The following KAT2B variants were observed in gnomAD, a reference collection of about 807,000 sequenced individuals.
KAT2B encodes lysine acetyltransferase 2B.
In KAT2B, 36 loss-of-function variants were observed where a neutral mutation model predicts 105.9. The observed-to-expected ratio is 0.34, with a 90% CI of 0.26 to 0.45. The LOEUF (loss-of-function observed/expected upper bound fraction) is 0.45. KAT2B is among the 20% of genes least tolerant of loss of function. The pLI is 1.00. For missense variants in KAT2B, 820 were observed against 1,021.6 expected (o/e 0.80, Z 2.69); for synonymous variants, 397 against 377.9 (o/e 1.05, Z -0.59).
rs1373546318 is a variant in KAT2B at position 20,154,230 on chromosome 3, TTA to T, written c.*1707_*1708del. ...TGTCTCTTCTATATTGAAAGCATTT[TTA>T]TGTTTTCTAATTTAAAAATTAATAT... On this transcript the variant is annotated 3_prime_UTR_variant, in exon 18 of 18. Coordinates refer to ENST00000263754, the MANE Select transcript of KAT2B (RefSeq NM_003884.5). 3.3e-5 allele frequency: 5 copies of T among 152,640 alleles called. No individual in the cohort carries two copies. The highest frequency in any genetic ancestry group is 7.4e-5 in the Non-Finnish European group (5 of 68,026). The allele number at this position is 152,640 out of a possible 1,614,324, so 9.5% of individuals were successfully genotyped here.
At chr3:20,118,463 T>A (rs1253118367) in intron 7 of KAT2B, among the ~76,000 whole-genome samples, 1 of 149,622 alleles carries the variant, frequency 6.7e-6, no homozygotes, top group African/African-American at 2.4e-5. Flanking sequence ...ACACCTGTAA[T>A]CCCAGCACTA....
At chr3:20,048,422 G>C (rs935815804) in intron 1 of KAT2B, among the ~76,000 whole-genome samples, 1 of 152,156 alleles carries the variant, frequency 6.6e-6, no homozygotes, top group African/African-American at 2.4e-5. Flanking sequence ...CGCTGTTTAA[G>C]GTTTTTGTTT....
chr3:20,119,525 T>C (rs1007537955), intron 7 of KAT2B, 73 bp from the exon 8 acceptor site: 17 of 1,549,084 alleles, frequency 1.1e-5, no homozygotes, highest in Middle Eastern at 1.7e-4. Context: ...GGTGGTCCCA[T>C]GTGCACTTCG....
intron 6 of KAT2B, 38 bp from the exon 7 acceptor site, chr3:20,114,844 T>A (rs750873507): frequency 1.8e-5 from 21 of 1,150,822 alleles, no homozygotes; most frequent in Non-Finnish European, 2.4e-5. Context: ...CTTACAGTAG[T>A]TTTTTTTTAA....
At chr3:20,067,890 G>A (rs559649347) in intron 1 of KAT2B, among the ~76,000 whole-genome samples, 2 of 152,134 alleles carry the variant, frequency 1.3e-5, no homozygotes, top group East Asian at 3.9e-4. Flanking sequence ...GGCCAGGCTG[G>A]TCTCGAACTC....
At chr3:20,073,720 AT>A (rs1345238988) in intron 2 of KAT2B, among the ~76,000 whole-genome samples, 1 of 128,714 alleles carries the variant, frequency 7.8e-6, no homozygotes, top group Non-Finnish European at 1.7e-5. Context: ...TTTTAAAAAA[AT>A]AAATAAATAA....
intron 12 of KAT2B, 143 bp downstream of exon 12, chr3:20,137,195 A>T (rs1699617289): frequency 3.4e-6 from 2 of 593,994 alleles, no homozygotes; most frequent in Non-Finnish European, 6.1e-6. Flanking sequence ...TGTCAAAAAT[A>T]AGCTTCAGCC....
At chr3:20,107,974 A>G (rs1699053364) in intron 5 of KAT2B, among the ~76,000 whole-genome samples, 1 of 151,476 alleles carries the variant, frequency 6.6e-6, no homozygotes, top group Non-Finnish European at 1.5e-5. Flanking sequence ...ATGCCTGGCT[A>G]ATGTTTATAT....
chr3:20,062,922 A>G (rs1004714770), intron 1 of KAT2B, among the ~76,000 whole-genome samples: 2 of 152,048 alleles, frequency 1.3e-5, no homozygotes, highest in African/African-American at 4.8e-5. Flanking sequence ...TATTTTGGAT[A>G]TTAACCTGTT....
At chr3:20,114,413 T>A (rs1372357640) in intron 6 of KAT2B, among the ~76,000 whole-genome samples, 1 of 152,222 alleles carries the variant, frequency 6.6e-6, no homozygotes, top group Non-Finnish European at 1.5e-5. Context: ...TAGTAAGAGC[T>A]ATATATGTGC....
chr3:20,069,225 C>G (rs141601956), intron 1 of KAT2B, among the ~76,000 whole-genome samples: 124 of 152,214 alleles, frequency 8.1e-4, no homozygotes, highest in Non-Finnish European at 1.6e-3. Context: ...TCAGCAAAGA[C>G]TAGTAAATTT....
intron 1 of KAT2B, among the ~76,000 whole-genome samples, chr3:20,050,870 T>G (rs1697903490): frequency 6.6e-6 from 1 of 151,960 alleles, no homozygotes; most frequent in African/African-American, 2.4e-5. Flanking sequence ...GATAGTCATA[T>G]TTGGAAGAAC....
At chr3:20,047,689 T>C (rs1697839075) in intron 1 of KAT2B, among the ~76,000 whole-genome samples, 1 of 149,744 alleles carries the variant, frequency 6.7e-6, no homozygotes. Context: ...CTCAGTTTAC[T>C]GCAGCCTCCA....
chr3:20,053,994 C>T lies in KAT2B; in HGVS notation c.303+13214C>T, dbSNP rs113718909. ...TGTATTTTTAGTAGAGATGGGGTCT[C>T]GCCATGTTGGCAAGGCTGGTCTCAA... On this transcript the variant is annotated intron_variant, in intron 1 of 17. Transcript: ENST00000263754. 1.9e-3 allele frequency among the ~76,000 whole-genome samples: 296 copies of T among 152,274 alleles called. 2 individuals carry two copies. The South Asian group carries it at 0.023, about 12-fold the overall frequency.
rs1395149152 is a variant in KAT2B, at chr3:20,081,592, G to A, written c.430+9133G>A. ...CAAAGTGGACACTGGGGGAACTGTG[G>A]CCCACCAAAAGGAATAAACTTTGCC... On this transcript the variant is annotated intron_variant, in intron 2 of 17. Coordinates refer to ENST00000263754, the MANE Select transcript of KAT2B (RefSeq NM_003884.5). Among the ~76,000 whole-genome samples the A allele has an allele frequency of 2.0e-5, 3 of 151,998 alleles. No homozygotes were observed. The East Asian group carries it at 5.8e-4, about 29-fold the overall frequency.
Position 20,072,574 on chromosome 3 carries a change from GCAA to G in KAT2B, c.430+122_430+124del, listed in dbSNP as rs376264367. 212 of 944,002 alleles carry G rather than the reference GCAA, an allele frequency of 2.2e-4. 4 individuals are homozygous for G. Among genetic ancestry groups the G allele is most frequent in the East Asian group, 2.1e-3 (87 of 41,312 alleles). The allele number at this position is 944,002 out of a possible 1,614,324, so 58.5% of individuals were successfully genotyped here. ...GAATGCTGTGTACCTCTGTATGAGA[GCAA>G]CAACAAGAGCCTCTCTAGTCTCACG... On this transcript the variant is annotated intron_variant, in intron 2 of 17. Transcript: ENST00000263754.
intron 1 of KAT2B, among the ~76,000 whole-genome samples, chr3:20,050,340 A>G (rs868167424): frequency 6.6e-6 from 1 of 152,176 alleles, no homozygotes; most frequent in Non-Finnish European, 1.5e-5. Context: ...AATCATGTTT[A>G]TAGCGCAATT....
chr3:20,101,480 C>G lies in KAT2B; in HGVS notation c.851+12C>G, dbSNP rs756479878. The stretch of plus-strand genomic sequence containing the variant: ...GAGAACTACACAAGGTAATCAGATG[C>G]AAGTTCTTTTCCTTTGGCCCCATAA... On this transcript the variant is annotated intron_variant, in intron 5 of 17. Transcript: ENST00000263754. The G allele has an allele frequency of 2.5e-6, 4 of 1,610,912 alleles. No individual in the cohort carries two copies. Among genetic ancestry groups the G allele is most frequent in the South Asian group, 2.2e-5 (2 of 90,950 alleles).
intron 12 of KAT2B, 113 bp downstream of exon 12, chr3:20,137,165 C>G: frequency 1.6e-6 from 1 of 627,464 alleles, no homozygotes; most frequent in Non-Finnish European, 2.9e-6. Flanking sequence ...TAAGAACAGG[C>G]ATTTGTTTTA....
Sources: allele counts gnomAD v4.1 joint callset (sites outside exome capture counted in the v4.1 genomes callset), GRCh38; gene constraint gnomAD v4.1.1; transcripts MANE v1.5; gene names NCBI Gene and HGNC (gene_info 2026-07-23, HGNC 2026-07-21).